Variants in SEZ6L observed in about 807,000 individuals in gnomAD.
The protein encoded by SEZ6L is seizure 6-like protein.
Under a neutral mutation model 106.2 loss-of-function variants are expected in SEZ6L, and 37 were observed. That is an observed-to-expected ratio of 0.35 (90% CI 0.27 to 0.46). The LOEUF is 0.46. SEZ6L is among the 20% of genes least tolerant of loss of function. The pLI is 1.00. For synonymous variants in SEZ6L, 541 were observed against 570.4 expected (o/e 0.95, Z 0.73); for missense variants, 1,172 against 1,332.8 (o/e 0.88, Z 1.88).
intron 1 of SEZ6L, among the ~76,000 whole-genome samples, chr22:26,179,200 G>A (rs1281046957): frequency 3.9e-5 from 6 of 152,108 alleles, no homozygotes; most frequent in East Asian, 3.9e-4. Flanking sequence ...ACCAGCCTGG[G>A]CAACATGGCA....
intron 9 of SEZ6L, among the ~76,000 whole-genome samples, chr22:26,321,389 G>A (rs556629440): frequency 1.3e-5 from 2 of 152,328 alleles, no homozygotes; most frequent in South Asian, 2.1e-4. Flanking sequence ...ACTCAGCAGC[G>A]CCTTGAAGGC....
chr22:26,330,101 T>A (rs2082433434), intron 9 of SEZ6L, among the ~76,000 whole-genome samples: 1 of 152,212 alleles, frequency 6.6e-6, no homozygotes, highest in Non-Finnish European at 1.5e-5. Context: ...TTCATTTAAG[T>A]GAACTTTATT....
At chr22:26,266,176 C>A (rs1365317111) in intron 1 of SEZ6L, among the ~76,000 whole-genome samples, 3 of 152,092 alleles carry the variant, frequency 2.0e-5, no homozygotes, top group Non-Finnish European at 1.5e-5. Context: ...CACTCGATTG[C>A]TGAGTCCTCA....
chr22:26,355,518 C>T (rs2083411616), intron 12 of SEZ6L, among the ~76,000 whole-genome samples: 1 of 152,198 alleles, frequency 6.6e-6, no homozygotes, highest in African/African-American at 2.4e-5. Context: ...CACTTGCGGT[C>T]AGGAGTTCCA....
intron 9 of SEZ6L, among the ~76,000 whole-genome samples, chr22:26,322,527 G>A (rs1005974730): frequency 2.0e-4 from 30 of 152,188 alleles, no homozygotes; most frequent in African/African-American, 7.0e-4. Context: ...ATTTATCTCC[G>A]TGAATTATGG....
Position 26,300,375 on chromosome 22 carries a change from A to G in SEZ6L, c.1348+1206A>G, listed in dbSNP as rs533876588. Among the ~76,000 whole-genome samples, 5 of 152,136 alleles carry G rather than the reference A, an allele frequency of 3.3e-5. No individual in the cohort carries two copies. The East Asian group carries it at 7.7e-4, about 23-fold the overall frequency. On this transcript the variant is annotated intron_variant, in intron 5 of 16. Transcript: ENST00000248933. ...TGTGTCCATGTGTTCTCATTGTTCA[A>G]TTCCCACCTATGAGTGAGAACATGC...
chr22:26,382,100 A>T lies in SEZ6L; in HGVS notation c.*1805A>T. The T allele has an allele frequency of 1.9e-6, 1 of 513,574 alleles. No individual in the cohort carries two copies. Among genetic ancestry groups the T allele is most frequent in the Non-Finnish European group, 3.9e-6 (1 of 256,656 alleles). The allele number at this position is 513,574 out of a possible 1,614,324, so 31.8% of individuals were successfully genotyped here. A position where few individuals can be genotyped will look rare whatever the true frequency, so the allele number is the denominator to read the frequency against. Reference sequence around the variant, plus strand: ...CTTCTGCCAGAAAAGAATCTTGCACATATACTCCTGAAGGCATGAGTGTGT... The same window carrying T: ...CTTCTGCCAGAAAAGAATCTTGCACTTATACTCCTGAAGGCATGAGTGTGT... On this transcript the variant is annotated 3_prime_UTR_variant, in exon 17 of 17. Coordinates refer to ENST00000248933, the MANE Select transcript of SEZ6L (RefSeq NM_021115.5).
chr22:26,170,162 G>A lies in SEZ6L; in HGVS notation c.94+399G>A, dbSNP rs376878615. 8.5e-5 allele frequency among the ~76,000 whole-genome samples: 13 copies of A among 152,188 alleles called. No individual in the cohort carries two copies. The South Asian group carries it at 1.9e-3, about 22-fold the overall frequency. On this transcript the variant is annotated intron_variant, in intron 1 of 16. Coordinates refer to ENST00000248933, the MANE Select transcript of SEZ6L (RefSeq NM_021115.5). ...TTCCTCTCCGGGAGAGGACAGGAAG[G>A]GGGGTGAGAAGCTGACCCACCCTGC...
At chr22:26,207,781 C>T (rs116662051) in intron 1 of SEZ6L, among the ~76,000 whole-genome samples, 1,934 of 152,218 alleles carry the variant, frequency 0.013, 10 homozygotes, top group African/African-American at 0.017. Context: ...AATTTAGAAA[C>T]CTTGCAATTA....
At chr22:26,185,967 C>T (rs972153936) in intron 1 of SEZ6L, among the ~76,000 whole-genome samples, 9 of 151,880 alleles carry the variant, frequency 5.9e-5, no homozygotes, top group African/African-American at 2.2e-4. Flanking sequence ...GTTCTCCTGC[C>T]TCCTCTATTC....
chr22:26,338,590 C>T (rs909432447), intron 9 of SEZ6L, among the ~76,000 whole-genome samples: 2 of 150,546 alleles, frequency 1.3e-5, no homozygotes, highest in Non-Finnish European at 3.0e-5. Flanking sequence ...GACAGGGTCT[C>T]GCTTCTTTGC....
chr22:26,289,768 A>G (rs111360846), intron 1 of SEZ6L, among the ~76,000 whole-genome samples: 3,473 of 152,286 alleles, frequency 0.023, 57 homozygotes, highest in Middle Eastern at 0.051. Flanking sequence ...CTCTCCAACG[A>G]CTGCTGAAAT....
At chr22:26,371,471 A>G (rs2084033785) in intron 13 of SEZ6L, among the ~76,000 whole-genome samples, 1 of 152,090 alleles carries the variant, frequency 6.6e-6, no homozygotes, top group Admixed American at 6.5e-5. Context: ...CTACCATCAG[A>G]ATATACACAA....
intron 1 of SEZ6L, among the ~76,000 whole-genome samples, chr22:26,206,161 T>C (rs532746121): frequency 1.2e-4 from 19 of 152,362 alleles, no homozygotes; most frequent in African/African-American, 4.6e-4. Flanking sequence ...AATGCTTCAC[T>C]ACCTGTCTTT....
chr22:26,370,330 A>C (rs1163879879), intron 13 of SEZ6L, among the ~76,000 whole-genome samples: 1 of 152,102 alleles, frequency 6.6e-6, no homozygotes, highest in Non-Finnish European at 1.5e-5. Context: ...GCTTGCGGTG[A>C]GCTGAGATCG....
At chr22:26,334,009 C>T (rs780712460) in intron 9 of SEZ6L, among the ~76,000 whole-genome samples, 9 of 151,698 alleles carry the variant, frequency 5.9e-5, no homozygotes, top group Admixed American at 2.0e-4. Flanking sequence ...AGAAATGAGG[C>T]GGCAGGGACG....
intron 1 of SEZ6L, among the ~76,000 whole-genome samples, chr22:26,222,683 C>G (rs575605595): frequency 6.6e-6 from 1 of 152,090 alleles, no homozygotes; most frequent in Admixed American, 6.5e-5. Flanking sequence ...CCGGGGGGAA[C>G]GCCCACATAC....
At chr22:26,258,826 T>A (rs1293370519) in intron 1 of SEZ6L, among the ~76,000 whole-genome samples, 1 of 152,152 alleles carries the variant, frequency 6.6e-6, no homozygotes, top group Non-Finnish European at 1.5e-5. Context: ...ATACACAATG[T>A]TTGAAAAAGT....
At chr22:26,233,070 A>C (rs2078849887) in intron 1 of SEZ6L, among the ~76,000 whole-genome samples, 1 of 152,160 alleles carries the variant, frequency 6.6e-6, no homozygotes, top group Non-Finnish European at 1.5e-5. Flanking sequence ...TCCATTCAAA[A>C]CCCGAAGACC....
Sources: gnomAD v4.1 joint callset for allele counts (sites outside exome capture counted in the v4.1 genomes callset) on GRCh38, gnomAD v4.1.1 for gene constraint, MANE v1.5 for transcripts, NCBI Gene and HGNC (gene_info 2026-07-23, HGNC 2026-07-21) for gene names.